Variants in MAGI1 observed in about 807,000 individuals in gnomAD.
MAGI1 encodes membrane-associated guanylate kinase, WW and PDZ domain-containing protein 1.
In MAGI1, 58 loss-of-function variants were observed where a neutral mutation model predicts 139.9. The observed-to-expected ratio is 0.41, with a 90% CI of 0.34 to 0.52. MAGI1 has a LOEUF of 0.52. Ranked by LOEUF, MAGI1 falls within the 20% of genes least tolerant of loss-of-function variation. The probability of loss-of-function intolerance (pLI) is 0.12; values close to 1 mark genes in which losing one functional copy is unlikely to be tolerated. For missense variants in MAGI1, 1,874 were observed against 1,901.6 expected, an observed-to-expected ratio of 0.99 and a Z score of 0.27; for synonymous variants, 812 against 737.9, an observed-to-expected ratio of 1.10 and a Z score of -1.63.
chr3:66,031,958 G>A (rs970456217), intron 1 of MAGI1, among the ~76,000 whole-genome samples: 11 of 152,156 alleles, frequency 7.2e-5, no homozygotes, highest in Non-Finnish European at 1.3e-4. Flanking sequence ...GAGTCAACAG[G>A]CAGAAATACT....
chr3:65,900,727 A>G (rs1268419594), intron 1 of MAGI1, among the ~76,000 whole-genome samples: 1 of 152,232 alleles, frequency 6.6e-6, no homozygotes, highest in Non-Finnish European at 1.5e-5. Context: ...TATAGGTTAC[A>G]AAAGACATAC....
At chr3:66,025,440 T>G (rs898676320) in intron 1 of MAGI1, among the ~76,000 whole-genome samples, 1 of 152,056 alleles carries the variant, frequency 6.6e-6, no homozygotes, top group African/African-American at 2.4e-5. Flanking sequence ...GTCAGTAGGC[T>G]GGGATGGGAA....
intron 18 of MAGI1, among the ~76,000 whole-genome samples, chr3:65,366,614 T>C (rs908933480): frequency 1.3e-5 from 2 of 152,202 alleles, no homozygotes; most frequent in South Asian, 4.1e-4. Context: ...TTCTATGCTC[T>C]TCAATTTCCT....
intron 1 of MAGI1, among the ~76,000 whole-genome samples, chr3:65,757,017 T>G (rs1239898332): frequency 1.3e-5 from 2 of 152,214 alleles, no homozygotes; most frequent in Non-Finnish European, 2.9e-5. Context: ...TAAGAAAACA[T>G]ACTGCAGAAT....
At chr3:65,365,281 A>C (rs1941306618) in intron 18 of MAGI1, 1 of 494,900 alleles carries the variant, frequency 2.0e-6, no homozygotes, top group Admixed American at 2.3e-5. Context: ...GTCCCATCAA[A>C]GTGCTGCACC....
At chr3:65,662,622 T>C (rs765115180) in intron 1 of MAGI1, among the ~76,000 whole-genome samples, 5 of 152,244 alleles carry the variant, frequency 3.3e-5, no homozygotes, top group Non-Finnish European at 5.9e-5. Flanking sequence ...TTGTGCAATA[T>C]GATGTTTTGA....
intron 2 of MAGI1, among the ~76,000 whole-genome samples, chr3:65,611,324 CTATA>C (rs992607643): frequency 5.1e-4 from 72 of 140,368 alleles, no homozygotes; most frequent in African/African-American, 1.8e-3. Context: ...TATATGTACA[CTATA>C]TACTATACAT....
At chr3:65,646,446 G>A (rs780552742) in intron 1 of MAGI1, among the ~76,000 whole-genome samples, 12 of 152,042 alleles carry the variant, frequency 7.9e-5, no homozygotes, top group Middle Eastern at 3.4e-3. Context: ...ATCAACAATC[G>A]TTGTTAGAGA....
intron 18 of MAGI1, among the ~76,000 whole-genome samples, chr3:65,367,814 G>C (rs1481894825): frequency 6.6e-6 from 1 of 151,990 alleles, no homozygotes; most frequent in African/African-American, 2.4e-5. Flanking sequence ...ATATCTAATT[G>C]GAACATTCCT....
chr3:65,514,303 C>G (rs1238839636), intron 2 of MAGI1, among the ~76,000 whole-genome samples: 1 of 124,692 alleles, frequency 8.0e-6, no homozygotes, highest in African/African-American at 3.0e-5. Context: ...ACAAAATTGA[C>G]AAATGGGATC....
At chr3:65,782,880 A>C (rs2039049975) in intron 1 of MAGI1, among the ~76,000 whole-genome samples, 2 of 151,756 alleles carry the variant, frequency 1.3e-5, no homozygotes, top group South Asian at 4.2e-4. Flanking sequence ...CAGAAGCCTA[A>C]ATGTAAGAGC....
chr3:65,819,041 C>T (rs1575601528), intron 1 of MAGI1, among the ~76,000 whole-genome samples: 3 of 152,140 alleles, frequency 2.0e-5, no homozygotes, highest in Admixed American at 6.5e-5. Flanking sequence ...AATCCCAACA[C>T]TTTGGGAGGC....
chr3:66,012,168 C>G (rs962242758), intron 1 of MAGI1, among the ~76,000 whole-genome samples: 6 of 152,054 alleles, frequency 3.9e-5, no homozygotes, highest in African/African-American at 1.4e-4. Flanking sequence ...CTCAGTTAAC[C>G]CAAAACACCA....
chr3:65,462,274 C>A (rs1575841225), intron 5 of MAGI1, among the ~76,000 whole-genome samples: 2 of 152,280 alleles, frequency 1.3e-5, no homozygotes, highest in African/African-American at 4.8e-5. Flanking sequence ...AGTCTTTAAT[C>A]CATCTTGAGT....
intron 2 of MAGI1, among the ~76,000 whole-genome samples, chr3:65,573,128 T>A (rs1426324524): frequency 6.6e-6 from 1 of 152,108 alleles, no homozygotes; most frequent in Non-Finnish European, 1.5e-5. Flanking sequence ...TTCACAAAAC[T>A]ATAAACATAT....
chr3:66,005,163 T>C (rs920687428), intron 1 of MAGI1, among the ~76,000 whole-genome samples: 3 of 152,294 alleles, frequency 2.0e-5, no homozygotes, highest in South Asian at 4.1e-4. Flanking sequence ...CAGTCCCATA[T>C]GCAAAGCTGT....
At chr3:65,737,187 TAG>T (rs2034832191) in intron 1 of MAGI1, among the ~76,000 whole-genome samples, 1 of 152,146 alleles carries the variant, frequency 6.6e-6, no homozygotes, top group African/African-American at 2.4e-5. Context: ...GTATTTTTAG[TAG>T]AGACGGGGTT....
chr3:65,582,678 T>C (rs1162568125), intron 2 of MAGI1, among the ~76,000 whole-genome samples: 1 of 152,162 alleles, frequency 6.6e-6, no homozygotes, highest in African/African-American at 2.4e-5. Flanking sequence ...ACTTCAATTC[T>C]CTGTCTTGAA....
intron 1 of MAGI1, among the ~76,000 whole-genome samples, chr3:65,917,868 G>T (rs2061980876): frequency 6.6e-6 from 1 of 152,166 alleles, no homozygotes; most frequent in East Asian, 1.9e-4. Flanking sequence ...TTACATATTT[G>T]TTCAACCCTA....
Sources: allele counts gnomAD v4.1 joint callset (sites outside exome capture counted in the v4.1 genomes callset), GRCh38; gene constraint gnomAD v4.1.1; transcripts MANE v1.5; gene names NCBI Gene and HGNC (gene_info 2026-07-23, HGNC 2026-07-21).